PGCKA1: variants seen among roughly 807,000 people sequenced by gnomAD.
PGCKA1 encodes the protein PDCD10 and GCKIII kinases associated 1.
At chr4:37,486,479 A>T in the PGCKA1 span, among the ~76,000 whole-genome samples, 2 of 152,142 alleles carry the variant, frequency 1.3e-5, no homozygotes, top group African/African-American at 4.8e-5. Flanking sequence ...AAACACTTAG[A>T]CCAAACAAGA....
the PGCKA1 span, among the ~76,000 whole-genome samples, chr4:37,557,382 C>T: frequency 6.6e-6 from 1 of 152,136 alleles, no homozygotes; most frequent in Admixed American, 6.6e-5. Flanking sequence ...TCCATTCAGA[C>T]TGCTATAAGA....
the PGCKA1 span, among the ~76,000 whole-genome samples, chr4:37,463,098 C>T: frequency 8.6e-5 from 13 of 151,988 alleles, no homozygotes; most frequent in Non-Finnish European, 1.6e-4. Flanking sequence ...TAAAGGATCT[C>T]CCATAAGTTG....
At chr4:37,493,827 G>A in the PGCKA1 span, among the ~76,000 whole-genome samples, 1 of 152,140 alleles carries the variant, frequency 6.6e-6, no homozygotes. Context: ...GACATGTGAA[G>A]TTTGTCTTTC....
the PGCKA1 span, among the ~76,000 whole-genome samples, chr4:37,561,543 C>T: frequency 6.6e-6 from 1 of 151,986 alleles, no homozygotes; most frequent in Non-Finnish European, 1.5e-5. Flanking sequence ...GAAAGAAGGC[C>T]AATGTGGCCA....
the PGCKA1 span, among the ~76,000 whole-genome samples, chr4:37,575,672 A>T: frequency 2.0e-5 from 3 of 152,102 alleles, no homozygotes; most frequent in South Asian, 6.2e-4. Flanking sequence ...ATAAATCTTT[A>T]ATCAGTCCAA....
chr4:37,499,716 T>A, the PGCKA1 span, among the ~76,000 whole-genome samples: 1 of 152,072 alleles, frequency 6.6e-6, no homozygotes, highest in African/African-American at 2.4e-5. Context: ...TAGCTACTGG[T>A]CTGTGTATTT....
At chr4:37,510,215 G>A in the PGCKA1 span, among the ~76,000 whole-genome samples, 13 of 151,866 alleles carry the variant, frequency 8.6e-5, no homozygotes, top group Non-Finnish European at 1.3e-4. Context: ...TTGGTTCCTC[G>A]TTCCTTATCT....
At chr4:37,524,555 C>T in the PGCKA1 span, among the ~76,000 whole-genome samples, 2 of 152,208 alleles carry the variant, frequency 1.3e-5, no homozygotes, top group Admixed American at 6.5e-5. Context: ...TTGAGAATAT[C>T]ACTCCATCTC....
chr4:37,565,635 A>G, the PGCKA1 span, among the ~76,000 whole-genome samples: 2 of 152,072 alleles, frequency 1.3e-5, no homozygotes, highest in East Asian at 3.8e-4. Context: ...GAGCCTTTTG[A>G]CCCCACCATT....
the PGCKA1 span, chr4:37,590,087 G>C: frequency 6.2e-7 from 1 of 1,607,528 alleles, no homozygotes; most frequent in Admixed American, 1.7e-5. Flanking sequence ...CTTTCCTGAA[G>C]CTATCTCTTT....
the PGCKA1 span, among the ~76,000 whole-genome samples, chr4:37,512,858 G>GCA: frequency 1.2e-4 from 19 of 152,230 alleles, no homozygotes; most frequent in Middle Eastern, 3.4e-3. Context: ...GGAGGCCGAA[G>GCA]GGGGCAGATC....
chr4:37,494,374 T>A, the PGCKA1 span, among the ~76,000 whole-genome samples: 1 of 152,206 alleles, frequency 6.6e-6, no homozygotes, highest in Non-Finnish European at 1.5e-5. Context: ...AGTGATAACA[T>A]GCAATATTTG....
At chr4:37,546,835 C>T in the PGCKA1 span, among the ~76,000 whole-genome samples, 3 of 152,360 alleles carry the variant, frequency 2.0e-5, no homozygotes, top group African/African-American at 7.2e-5. Context: ...CGGTGGAACG[C>T]CTCGCCACAG....
chr4:37,526,340 C>A, the PGCKA1 span, among the ~76,000 whole-genome samples: 4 of 152,182 alleles, frequency 2.6e-5, no homozygotes, highest in African/African-American at 7.2e-5. Context: ...TATTAAAATT[C>A]ATAGTAATAC....
the PGCKA1 span, among the ~76,000 whole-genome samples, chr4:37,569,021 T>A: frequency 6.6e-6 from 1 of 150,880 alleles, no homozygotes; most frequent in African/African-American, 2.4e-5. Context: ...TGCTTGAGCC[T>A]GGGAGGCAGA....
Sources: gnomAD v4.1 joint callset for allele counts (sites outside exome capture counted in the v4.1 genomes callset) on GRCh38, gnomAD v4.1.1 for gene constraint, MANE v1.5 for transcripts, NCBI Gene and HGNC (gene_info 2026-07-23, HGNC 2026-07-21) for gene names.